The following PHF2 variants were observed in gnomAD, a reference collection of about 807,000 sequenced individuals.
The protein encoded by PHF2 is lysine-specific demethylase PHF2.
A neutral mutation model predicts 120.5 loss-of-function variants in PHF2; 27 were observed. The ratio of observed to expected loss-of-function variants is 0.22; its 90% CI spans 0.17 to 0.31. The LOEUF (loss-of-function observed/expected upper bound fraction) is 0.31. Among genes scored for constraint, PHF2 ranks in the 10% least tolerant of loss-of-function variants. PHF2 has a pLI of 1.00. For missense variants in PHF2, 1,024 were observed against 1,434.8 expected, an observed-to-expected ratio of 0.71 and a Z score of 4.63; for synonymous variants, 568 against 592.5, an observed-to-expected ratio of 0.96 and a Z score of 0.60.
intron 1 of PHF2, among the ~76,000 whole-genome samples, chr9:93,623,632 AT>A (rs757804196): frequency 6.6e-6 from 1 of 151,946 alleles, no homozygotes; most frequent in Non-Finnish European, 1.5e-5. Context: ...TTCCTTTCCA[AT>A]TTTTCTTTGT....
At position 93,618,355 on chromosome 9, in the gene PHF2, G is replaced by A. The variant is rs568065403; in HGVS notation, c.99-11615G>A. The stretch of plus-strand genomic sequence containing the variant: ...ACACATGACACACTCGTGGGCAGAC[G>A]CATAGACAGATGCACACAGACATGG... On this transcript the variant is annotated intron_variant, in intron 1 of 21. Transcript: ENST00000359246. Among the ~76,000 whole-genome samples the A allele has an allele frequency of 3.2e-4, 49 of 152,388 alleles. No homozygotes were observed. In the South Asian group the frequency reaches 3.5e-3, roughly 11 times the overall value.
intron 1 of PHF2, among the ~76,000 whole-genome samples, chr9:93,622,252 A>G (rs1587688204): frequency 6.6e-6 from 1 of 152,314 alleles, no homozygotes; most frequent in East Asian, 1.9e-4. Flanking sequence ...GGGTCTGGTC[A>G]AGGCCCAGCC....
Position 93,676,687 on chromosome 9 carries a change from A to ACCACCT in PHF2, c.2938_2943dup (p.Ser980_Thr981dup). 1 of 1,570,452 alleles carries ACCACCT rather than the reference A, an allele frequency of 6.4e-7. No individual in the cohort carries two copies. The highest frequency in any genetic ancestry group is 8.6e-7 in the Non-Finnish European group (1 of 1,157,918). On this transcript the variant is annotated inframe_insertion, in exon 21 of 22. Transcript: ENST00000359246. Reference sequence around the variant, plus strand: ...CACCTCCACCTCCATCTCTGCCGGCACCACCTCCACCTCCACCACGCCAGC... The same window carrying ACCACCT: ...CACCTCCACCTCCATCTCTGCCGGCACCACCTCCACCTCCACCTCCACCACGCCAGC...
At chr9:93,637,789 T>C (rs1362241788) in intron 3 of PHF2, among the ~76,000 whole-genome samples, 7 of 152,248 alleles carry the variant, frequency 4.6e-5, no homozygotes, top group African/African-American at 1.7e-4. Flanking sequence ...ACATATGCTT[T>C]TATTGTTTTA....
intron 4 of PHF2, among the ~76,000 whole-genome samples, chr9:93,647,573 T>C (rs1483442557): frequency 6.6e-6 from 1 of 152,188 alleles, no homozygotes; most frequent in Non-Finnish European, 1.5e-5. Context: ...TTCCCCACTT[T>C]TTTGTTCTCT....
In PHF2 at chr9:93,662,936, C is replaced by G; in HGVS notation, c.1728C>G (p.Asn576Lys). ...KATKSVLSVP[N>K]KDVVHMQNDV... ...CAAAGAGTGTCCTGAGTGTGCCCAA[C>G]AAAGATGTGGTTCACATGCAGAATG... is the stretch of plus-strand genomic sequence containing the variant. Residue 576 changes from asparagine (N) to lysine (K), a missense_variant, in exon 13 of 22, where the codon AAC becomes AAG. Asn to Lys is a moderately conservative substitution (Grantham distance 94). Coordinates refer to ENST00000359246, the MANE Select transcript of PHF2 (RefSeq NM_005392.4). 4 of 1,614,016 alleles carry G rather than the reference C, an allele frequency of 2.5e-6. No homozygotes were observed. Among genetic ancestry groups the G allele is most frequent in the Non-Finnish European group, 3.4e-6 (4 of 1,179,970 alleles).
Position 93,629,131 on chromosome 9 carries a change from C to T in PHF2, c.99-839C>T, listed in dbSNP as rs968275544. ...GGCCAGGCTGATCTCGAACTCCTGA[C>T]CTCAAGTGATCCGCCCACCTCGGCC... On this transcript the variant is annotated intron_variant, in intron 1 of 21. Transcript: ENST00000359246. 3.3e-5 allele frequency among the ~76,000 whole-genome samples: 5 copies of T among 152,252 alleles called. No individual in the cohort carries two copies. In the South Asian group the frequency reaches 1.0e-3, roughly 32 times the overall value.
In PHF2 at chr9:93,676,585, T is replaced by C; in HGVS notation, c.2833-9T>C. On this transcript the variant is annotated splice_polypyrimidine_tract_variant and intron_variant, in intron 20 of 21. Coordinates refer to ENST00000359246, the MANE Select transcript of PHF2 (RefSeq NM_005392.4). ...GCGTCTGAGGCTGCCCTGCATGTTTTGTTCAAAGGAGGAGCAGAAAAGCAA... is the reference window on the plus strand; with the variant it reads ...GCGTCTGAGGCTGCCCTGCATGTTTCGTTCAAAGGAGGAGCAGAAAAGCAA... The C allele has an allele frequency of 6.3e-7, 1 of 1,581,696 alleles. No homozygotes were observed. The highest frequency in any genetic ancestry group is 1.7e-5 in the Admixed American group (1 of 58,596).
chr9:93,621,090 C>T (rs1400007528), intron 1 of PHF2, among the ~76,000 whole-genome samples: 5 of 152,218 alleles, frequency 3.3e-5, no homozygotes, highest in Non-Finnish European at 5.9e-5. Flanking sequence ...GTGGCACAGG[C>T]AGCAGGGGTT....
chr9:93,601,692 G>A (rs540868304), intron 1 of PHF2, among the ~76,000 whole-genome samples: 44 of 152,202 alleles, frequency 2.9e-4, no homozygotes, highest in Middle Eastern at 6.8e-3. Context: ...GAAGGTGTGT[G>A]CAGAGCCCCT....
In PHF2 at chr9:93,654,493, C is replaced by A. The variant is rs746228118; in HGVS notation, c.870C>A (p.His290Gln). The change falls in exon 7 of 22, where the codon CAC (histidine) becomes CAA (glutamine). Residue 290 changes from histidine to glutamine, a missense_variant. By Grantham distance (24) the His-to-Gln change is conservative. Around this residue, in one of 2 missense-constraint regions of PHF2, gnomAD observed 347 missense variants for 577.4 expected, o/e 0.60. Transcript: ENST00000359246. ...AGCGCTGGCGGTCTGCCTCTAACCACAGCGAGATGTTCTTTGCTGACCAGG... is the reference window on the plus strand; with the variant it reads ...AGCGCTGGCGGTCTGCCTCTAACCAAAGCGAGATGTTCTTTGCTGACCAGG... ...LYERWRSASN[H>Q]SEMFFADQVD... 1.9e-6 allele frequency: 3 copies of A among 1,614,118 alleles called. No individual in the cohort carries two copies. The highest frequency in any genetic ancestry group is 2.2e-5 in the South Asian group (2 of 91,088).
chr9:93,655,015 A>AGT (rs1826433942), intron 7 of PHF2, among the ~76,000 whole-genome samples: 2 of 152,212 alleles, frequency 1.3e-5, no homozygotes, highest in Non-Finnish European at 2.9e-5. Flanking sequence ...TTAAGACAAT[A>AGT]GTAGGGGACA....
At chr9:93,629,621 C>T (rs1825965920) in intron 1 of PHF2, among the ~76,000 whole-genome samples, 1 of 152,206 alleles carries the variant, frequency 6.6e-6, no homozygotes, top group Non-Finnish European at 1.5e-5. Context: ...GTGATGGGGA[C>T]AGCCTGGCTC....
chr9:93,643,582 T>A (rs6479499), intron 3 of PHF2, among the ~76,000 whole-genome samples: 97,640 of 152,028 alleles, frequency 0.64, 31,850 homozygotes, highest in Non-Finnish European at 0.68. Flanking sequence ...AGCCCTCTAG[T>A]TCCTTGAAGT....
At position 93,622,677 on chromosome 9, in the gene PHF2, G is replaced by A. The variant is rs537433154; in HGVS notation, c.99-7293G>A. Among the ~76,000 whole-genome samples, 7 of 152,250 alleles carry A rather than the reference G, an allele frequency of 4.6e-5. No individual in the cohort carries two copies. In the South Asian group the frequency reaches 8.3e-4, roughly 18 times the overall value. On this transcript the variant is annotated intron_variant, in intron 1 of 21. Transcript: ENST00000359246. ...CTTGCCCACACCTTGATTTTAGCCC[G>A]GTGAGACCCATTTGGACTTCTGACC... is the stretch of plus-strand genomic sequence containing the variant.
chr9:93,589,285 A>G (rs1863124999), intron 1 of PHF2, among the ~76,000 whole-genome samples: 1 of 152,242 alleles, frequency 6.6e-6, no homozygotes, highest in African/African-American at 2.4e-5. Flanking sequence ...AACTGGCCCC[A>G]CAGCAGACAC....
rs780673679 is a variant in PHF2 at position 93,677,394 on chromosome 9, C to T, written c.3203-194C>T. 2.0e-5 allele frequency among the ~76,000 whole-genome samples: 3 copies of T among 151,834 alleles called. No homozygotes were observed. The highest frequency in any genetic ancestry group is 4.4e-5 in the Non-Finnish European group (3 of 67,992). On this transcript the variant is annotated intron_variant, in intron 21 of 21. Coordinates refer to ENST00000359246, the MANE Select transcript of PHF2 (RefSeq NM_005392.4). This position sits in a 1 kb window ranked among gnomAD's most constrained non-coding sequence, Gnocchi z 4.4. ...CCCCTTGAGGACACGGCCTCTGAGG[C>T]GGAGGCTTTGCCAGTGATCCCAGAC... is the stretch of plus-strand genomic sequence containing the variant.
At chr9:93,670,162 A>C (rs1297835813) in intron 17 of PHF2, among the ~76,000 whole-genome samples, 2 of 152,184 alleles carry the variant, frequency 1.3e-5, no homozygotes, top group Admixed American at 1.3e-4. Flanking sequence ...AAGAGTCCTG[A>C]AGGGGCAGGT....
At chr9:93,649,901 CCAA>C (rs796305517) in intron 5 of PHF2, among the ~76,000 whole-genome samples, 4 of 151,928 alleles carry the variant, frequency 2.6e-5, no homozygotes, top group African/African-American at 9.7e-5. Context: ...ACACAACACA[CCAA>C]CACTCATAGA....
Sources: gnomAD v4.1 joint callset for allele counts (sites outside exome capture counted in the v4.1 genomes callset) on GRCh38, gnomAD v4.1.1 for gene constraint, gnomAD v4.1.1 regional missense constraint, Gnocchi (gnomAD v3.1) non-coding constraint, MANE v1.5 for transcripts, NCBI Gene and HGNC (gene_info 2026-07-23, HGNC 2026-07-21) for gene names.